ZNF618: variants seen among roughly 807,000 people sequenced by gnomAD.
ZNF618 encodes the protein zinc finger protein 618.
ZNF618 carries 34 observed loss-of-function variants against 103.0 expected under a neutral mutation model. The ratio of observed to expected loss-of-function variants is 0.33; its 90% confidence interval spans 0.25 to 0.44. The LOEUF (loss-of-function observed/expected upper bound fraction) is 0.44. ZNF618 is among the 20% of genes least tolerant of loss of function. ZNF618 has a pLI of 1.00. For synonymous variants in ZNF618, 551 were observed against 542.2 expected, an observed-to-expected ratio of 1.02 and a Z score of -0.23; for missense variants, 1,059 against 1,295.4, an observed-to-expected ratio of 0.82 and a Z score of 2.80.
At chr9:113,984,619 G>T (rs1040791372) in intron 2 of ZNF618, among the ~76,000 whole-genome samples, 2 of 152,190 alleles carry the variant, frequency 1.3e-5, no homozygotes, top group African/African-American at 4.8e-5. Flanking sequence ...GCATGGTCAG[G>T]TGCTCTTGAG....
chr9:114,001,262 G>A (rs552071742), intron 4 of ZNF618, among the ~76,000 whole-genome samples: 1 of 145,476 alleles, frequency 6.9e-6, no homozygotes, highest in East Asian at 2.3e-4. Flanking sequence ...CCTGGGAGAA[G>A]GGCCTGGCAA....
intron 2 of ZNF618, among the ~76,000 whole-genome samples, chr9:113,970,668 CT>C (rs926826512): frequency 6.6e-6 from 1 of 151,876 alleles, no homozygotes; most frequent in African/African-American, 2.4e-5. Flanking sequence ...GATGAATGCC[CT>C]TTCATCTTTC....
At chr9:113,923,715 T>C (rs1051407663) in intron 1 of ZNF618, among the ~76,000 whole-genome samples, 1 of 152,128 alleles carries the variant, frequency 6.6e-6, no homozygotes, top group Non-Finnish European at 1.5e-5. Flanking sequence ...CCACCTTTGT[T>C]CAGAAGAGAC....
At chr9:113,949,225 T>C (rs1396191417) in intron 1 of ZNF618, among the ~76,000 whole-genome samples, 5 of 152,198 alleles carry the variant, frequency 3.3e-5, no homozygotes, top group Admixed American at 1.3e-4. Flanking sequence ...CTATTACAAA[T>C]TGCTGCATGC....
At chr9:113,939,481 A>G (rs927876486) in intron 1 of ZNF618, among the ~76,000 whole-genome samples, 1 of 152,112 alleles carries the variant, frequency 6.6e-6, no homozygotes. Flanking sequence ...TCCCAGTTCT[A>G]ATGTGAGAAT....
chr9:114,028,807 T>C lies in ZNF618; in HGVS notation c.919T>C (p.Ser307Pro). 1 of 1,550,446 alleles carries C rather than the reference T, an allele frequency of 6.4e-7. No individual in the cohort carries two copies. The highest frequency in any genetic ancestry group is 8.7e-7 in the Non-Finnish European group (1 of 1,146,964). ...SECSHPEVSPSPRFVAAKTQT... is the reference protein window; with the variant it reads ...SECSHPEVSPPPRFVAAKTQT... ...GTGTTCACATCCAGAGGTCTCCCCATCTCCACGCTTCGTGGCAGCGAAGAC... is the reference window on the plus strand; with the variant it reads ...GTGTTCACATCCAGAGGTCTCCCCACCTCCACGCTTCGTGGCAGCGAAGAC... The change falls in exon 11 of 15, where the codon TCT becomes CCT. Residue 307 changes from serine (S) to proline (P), a missense_variant. Around this residue, in one of 6 missense-constraint regions of ZNF618, gnomAD observed 434 missense variants for 476.0 expected, o/e 0.91. Coordinates refer to ENST00000374126, the MANE Select transcript of ZNF618 (RefSeq NM_001318042.2).
rs368327281 is a variant in ZNF618, at chr9:114,001,564, C to T, written c.434-432C>T. Among the ~76,000 whole-genome samples the T allele has an allele frequency of 2.9e-4, 44 of 152,350 alleles. 4 individuals carry two copies. Among genetic ancestry groups the T allele is most frequent in the Admixed American group, 2.0e-3 (31 of 15,306 alleles). On this transcript the variant is annotated intron_variant, in intron 4 of 14. Transcript: ENST00000374126. ...CCCAGGTGTGTCTGATTCAGTCTGT[C>T]TGTCTTAATCTCTGTCCCATTCCGG...
chr9:113,989,410 T>C (rs10817545), intron 3 of ZNF618, among the ~76,000 whole-genome samples: 91,969 of 152,130 alleles, frequency 0.6, 28,179 homozygotes, highest in Middle Eastern at 0.75. Flanking sequence ...TTGCAACCAA[T>C]TGACCTTTTG....
rs1845869505 is a variant in ZNF618 at position 114,048,633 on chromosome 9, C to T, written c.1349-18C>T. ...GAATGCCAGAATTAATCCCATCTGT[C>T]TTTGTGTCCTCTGCCAGCCACTACC... On this transcript the variant is annotated intron_variant, in intron 14 of 14. Coordinates refer to ENST00000374126, the MANE Select transcript of ZNF618 (RefSeq NM_001318042.2). 3 of 1,597,988 alleles carry T rather than the reference C, an allele frequency of 1.9e-6. No homozygotes were observed. Among genetic ancestry groups the T allele is most frequent in the Admixed American group, 1.7e-5 (1 of 59,456 alleles).
chr9:113,926,577 G>T, intron 1 of ZNF618, among the ~76,000 whole-genome samples: 1 of 151,458 alleles, frequency 6.6e-6, no homozygotes, highest in East Asian at 1.9e-4. Context: ...TTTTTTCTCT[G>T]TTTTTTCTAT....
In ZNF618 at chr9:114,047,919, A is replaced by C. The variant is rs1845800577; in HGVS notation, c.1273A>C (p.Asn425His). 3.7e-6 allele frequency: 6 copies of C among 1,603,284 alleles called. No individual in the cohort carries two copies. Among genetic ancestry groups the C allele is most frequent in the Non-Finnish European group, 4.3e-6 (5 of 1,175,026 alleles). Residue 425 changes from asparagine to histidine, a missense_variant, in exon 14 of 15, where the codon AAC becomes CAC. Coordinates refer to ENST00000374126, the MANE Select transcript of ZNF618 (RefSeq NM_001318042.2). ...AADNENNIASNQSRSPPAVVE... is the reference protein window; with the variant it reads ...AADNENNIASHQSRSPPAVVE... ...TGACAATGAAAACAACATTGCCTCC[A>C]ACCAGTCCCGATCGCCACCTGCTGT...
At chr9:114,037,743 A>C (rs961182251) in intron 13 of ZNF618, among the ~76,000 whole-genome samples, 1 of 152,232 alleles carries the variant, frequency 6.6e-6, no homozygotes, top group Non-Finnish European at 1.5e-5. Flanking sequence ...CGTAGTCTCT[A>C]TCATTCATTC....
chr9:114,002,486 G>A, intron 5 of ZNF618, 138 bp from the exon 6 acceptor site: 1 of 878,810 alleles, frequency 1.1e-6, no homozygotes, highest in South Asian at 1.7e-5. Context: ...CAGACAGGGA[G>A]GAGAGGCTGG....
At chr9:113,906,057 G>T (rs921413131) in intron 1 of ZNF618, among the ~76,000 whole-genome samples, 1 of 152,100 alleles carries the variant, frequency 6.6e-6, no homozygotes, top group Admixed American at 6.5e-5. Context: ...GGTGAATCTG[G>T]TCCTTCTTAC....
chr9:113,888,720 C>T (rs565994164), intron 1 of ZNF618, among the ~76,000 whole-genome samples: 2 of 152,308 alleles, frequency 1.3e-5, no homozygotes, highest in Admixed American at 6.5e-5. Flanking sequence ...TTTCCAGTCT[C>T]GGGTACATTC....
intron 2 of ZNF618, among the ~76,000 whole-genome samples, chr9:113,979,536 C>T (rs1302700128): frequency 6.6e-6 from 1 of 152,258 alleles, no homozygotes; most frequent in Non-Finnish European, 1.5e-5. Context: ...ATGAGTCATT[C>T]TTCAGTTCTG....
At chr9:114,016,336 G>T (rs1300593998) in intron 9 of ZNF618, among the ~76,000 whole-genome samples, 1 of 152,096 alleles carries the variant, frequency 6.6e-6, no homozygotes, top group African/African-American at 2.4e-5. Context: ...GTTGGTGTTG[G>T]AGGTCAGCAC....
At chr9:113,992,319 G>C (rs753587015) in intron 3 of ZNF618, among the ~76,000 whole-genome samples, 1 of 152,102 alleles carries the variant, frequency 6.6e-6, no homozygotes, top group Admixed American at 6.5e-5. Context: ...AGTTGCCCAG[G>C]GTCACCCAGG....
intron 11 of ZNF618, among the ~76,000 whole-genome samples, chr9:114,031,991 G>A (rs1844096360): frequency 6.6e-6 from 1 of 152,202 alleles, no homozygotes; most frequent in Non-Finnish European, 1.5e-5. Context: ...AGAGCACTTG[G>A]AAGAGGGTGG....
Sources: allele counts gnomAD v4.1 joint callset (sites outside exome capture counted in the v4.1 genomes callset), GRCh38; gene constraint gnomAD v4.1.1; regional missense constraint gnomAD v4.1.1; transcripts MANE v1.5; gene names NCBI Gene and HGNC (gene_info 2026-07-23, HGNC 2026-07-21).